Variants in HNRNPC observed in about 807,000 individuals in gnomAD.
The protein encoded by HNRNPC is heterogeneous nuclear ribonucleoproteins C1/C2.
HNRNPC carries 3 observed loss-of-function variants against 33.2 expected under a neutral mutation model. The ratio of observed to expected loss-of-function variants is 0.09; its 90% CI spans 0.04 to 0.23. The LOEUF is 0.23. Ranked by LOEUF, HNRNPC falls within the 10% of genes least tolerant of loss-of-function variation. The pLI, the probability that HNRNPC is intolerant of heterozygous loss-of-function variation, is 1.00. For missense variants in HNRNPC, 143 were observed against 366.7 expected (o/e 0.39, Z 4.98); for synonymous variants, 121 against 126.7 (o/e 0.96, Z 0.30).
intron 5 of HNRNPC, among the ~76,000 whole-genome samples, chr14:21,217,168 GGAA>G (rs1566597378): frequency 6.6e-6 from 1 of 152,154 alleles, no homozygotes; most frequent in Admixed American, 6.5e-5. Context: ...TCACATCTGA[GGAA>G]GTAGTCCTTG....
intron 5 of HNRNPC, among the ~76,000 whole-genome samples, chr14:21,226,903 G>T (rs1480318724): frequency 1.5e-5 from 2 of 137,064 alleles, no homozygotes; most frequent in Admixed American, 1.5e-4. Flanking sequence ...AAAGGGGGGG[G>T]GGGGACAGTG....
intron 2 of HNRNPC, among the ~76,000 whole-genome samples, chr14:21,247,651 C>A (rs1235846527): frequency 6.6e-6 from 1 of 151,698 alleles, no homozygotes; most frequent in Non-Finnish European, 1.5e-5. Flanking sequence ...AAAGTGGATA[C>A]AAAAATACCT....
chr14:21,238,142 G>C (rs1403324612), intron 2 of HNRNPC, among the ~76,000 whole-genome samples: 2 of 152,178 alleles, frequency 1.3e-5, no homozygotes, highest in South Asian at 2.1e-4. Context: ...AGAATGAATA[G>C]GTCTACTTTT....
chr14:21,267,229 G>T (rs1566654415), intron 1 of HNRNPC, among the ~76,000 whole-genome samples: 1 of 149,488 alleles, frequency 6.7e-6, no homozygotes, highest in Non-Finnish European at 1.5e-5. Flanking sequence ...TTAAAAAAAA[G>T]TCTAAGTCCC....
chr14:21,239,338 G>A (rs1318650542), intron 2 of HNRNPC, among the ~76,000 whole-genome samples: 2 of 150,124 alleles, frequency 1.3e-5, no homozygotes, highest in East Asian at 2.0e-4. Flanking sequence ...TAATTAGCGG[G>A]GTATGGTGGC....
At chr14:21,240,884 T>C (rs1469736816) in intron 2 of HNRNPC, among the ~76,000 whole-genome samples, 1 of 152,166 alleles carries the variant, frequency 6.6e-6, no homozygotes, top group Non-Finnish European at 1.5e-5. Flanking sequence ...TTACCAGACA[T>C]TATCTCACAC....
intron 2 of HNRNPC, among the ~76,000 whole-genome samples, chr14:21,260,624 T>C (rs1878072567): frequency 1.3e-5 from 2 of 151,670 alleles, no homozygotes; most frequent in African/African-American, 4.8e-5. Flanking sequence ...CTTGAGACCA[T>C]CCTGGCCAAC....
chr14:21,268,347 T>C (rs1879361862), intron 1 of HNRNPC, among the ~76,000 whole-genome samples: 1 of 152,112 alleles, frequency 6.6e-6, no homozygotes, highest in South Asian at 2.1e-4. Context: ...ACTTAGGAAG[T>C]TACGTTAAAA....
chr14:21,269,141 T>A (rs940907997), intron 1 of HNRNPC, among the ~76,000 whole-genome samples, 157 bp downstream of exon 1: 2 of 152,048 alleles, frequency 1.3e-5, no homozygotes, highest in African/African-American at 4.8e-5. Flanking sequence ...CTGAGGCCTA[T>A]AAAACTGCCC....
intron 2 of HNRNPC, among the ~76,000 whole-genome samples, chr14:21,243,500 T>C (rs1367444892): frequency 1.3e-5 from 2 of 152,214 alleles, no homozygotes; most frequent in East Asian, 1.9e-4. Flanking sequence ...ATACACCAGA[T>C]TGCACACTTC....
At position 21,211,019 on chromosome 14, in the gene HNRNPC, A is replaced by G. The variant is rs1891534246; in HGVS notation, c.*204T>C. On this transcript the variant is annotated 3_prime_UTR_variant, in exon 9 of 9. Transcript: ENST00000553300. ...AAAAATTACAGGGTAAGACTTAACA[A>G]AACTACTAGGAGCGTCAAAGGAAGT... is the stretch of plus-strand genomic sequence containing the variant. 1.7e-6 allele frequency: 1 copy of G among 593,712 alleles called. No individual in the cohort carries two copies. Among genetic ancestry groups the G allele is most frequent in the South Asian group, 2.2e-5 (1 of 45,436 alleles). The allele number at this position is 593,712 out of a possible 1,614,324, so 36.8% of individuals were successfully genotyped here. A position where few individuals can be genotyped will look rare whatever the true frequency, so the allele number is the denominator to read the frequency against.
intron 2 of HNRNPC, chr14:21,234,691 A>T (rs1894483057): frequency 6.3e-6 from 1 of 158,550 alleles, no homozygotes; most frequent in Admixed American, 6.1e-5. Flanking sequence ...TTCTGTATAT[A>T]TACACACAGC....
At chr14:21,235,903 G>A (rs756824466) in intron 2 of HNRNPC, among the ~76,000 whole-genome samples, 1 of 151,970 alleles carries the variant, frequency 6.6e-6, no homozygotes, top group Non-Finnish European at 1.5e-5. Flanking sequence ...ACAGAATACT[G>A]ACCATAAGGG....
chr14:21,243,923 T>C (rs1895649866), intron 2 of HNRNPC, among the ~76,000 whole-genome samples: 1 of 152,078 alleles, frequency 6.6e-6, no homozygotes, highest in Non-Finnish European at 1.5e-5. Flanking sequence ...TACCTGTAGC[T>C]ACATAAGACA....
intron 2 of HNRNPC, among the ~76,000 whole-genome samples, chr14:21,243,112 G>T (rs1443676523): frequency 6.6e-6 from 1 of 152,010 alleles, no homozygotes; most frequent in Non-Finnish European, 1.5e-5. Context: ...AGGAGAGGTG[G>T]GGGGGTGGGC....
chr14:21,264,358 T>C lies in HNRNPC; in HGVS notation c.-62-1022A>G, dbSNP rs576609557. 9 of 152,280 alleles carry C rather than the reference T, an allele frequency of 5.9e-5. No homozygotes were observed. The East Asian group carries it at 1.5e-3, about 26-fold the overall frequency. The allele number at this position is 152,280 out of a possible 1,614,324, so 9.4% of individuals were successfully genotyped here. ...CACAAGACCTAATAGGTTCTACTGTTAGGGGAAAAGATGTTTTAAATAAGG... is the reference window on the plus strand; with the variant it reads ...CACAAGACCTAATAGGTTCTACTGTCAGGGGAAAAGATGTTTTAAATAAGG... On this transcript the variant is annotated intron_variant, in intron 1 of 8. Transcript: ENST00000553300.
intron 2 of HNRNPC, among the ~76,000 whole-genome samples, chr14:21,258,047 A>T (rs1488910092): frequency 6.6e-6 from 1 of 152,232 alleles, no homozygotes. Flanking sequence ...AATTTTAATA[A>T]TAAAAGTCCA....
At chr14:21,260,366 A>AT (rs199740553) in intron 2 of HNRNPC, among the ~76,000 whole-genome samples, 4 of 116,390 alleles carry the variant, frequency 3.4e-5, no homozygotes, top group African/African-American at 8.4e-5. Flanking sequence ...ACTCCGTCTT[A>AT]TTTAAAAAAA....
chr14:21,214,348 AACATTT>A (rs1342648212), intron 5 of HNRNPC, among the ~76,000 whole-genome samples: 1 of 152,232 alleles, frequency 6.6e-6, no homozygotes, highest in Non-Finnish European at 1.5e-5. Flanking sequence ...CTGTAGTGAA[AACATTT>A]ACAAGATCTC....
Sources: allele counts gnomAD v4.1 joint callset (sites outside exome capture counted in the v4.1 genomes callset), GRCh38; gene constraint gnomAD v4.1.1; transcripts MANE v1.5; gene names NCBI Gene and HGNC (gene_info 2026-07-23, HGNC 2026-07-21).